Variants in CNOT7 observed in about 807,000 individuals in gnomAD.
CNOT7 encodes CCR4-NOT transcription complex subunit 7.
Under a neutral mutation model 37.1 loss-of-function variants are expected in CNOT7, and 4 were observed. The observed-to-expected ratio is 0.11, with a 90% confidence interval of 0.05 to 0.25. The LOEUF is 0.25. CNOT7 is among the 10% of genes least tolerant of loss of function. The pLI is 1.00. For missense variants in CNOT7, 170 were observed against 336.2 expected, an observed-to-expected ratio of 0.51 and a Z score of 3.87; for synonymous variants, 128 against 115.6, an observed-to-expected ratio of 1.11 and a Z score of -0.69.
At chr8:17,234,413 T>A (rs1477505842) in intron 5 of CNOT7, among the ~76,000 whole-genome samples, 2 of 152,176 alleles carry the variant, frequency 1.3e-5, no homozygotes, top group African/African-American at 4.8e-5. Context: ...TATGAGAGCC[T>A]CAATGTCCTC....
In CNOT7 at chr8:17,237,463, A is replaced by G. The variant is rs1032403831; in HGVS notation, c.312-90T>C. The stretch of plus-strand genomic sequence containing the variant: ...CTTACATCTATAACTACAGTGCCAG[A>G]AAAGAGACAGAGGAATGGCTTGAGT... On this transcript the variant is annotated intron_variant, in intron 3 of 6. Coordinates refer to ENST00000361272, the MANE Select transcript of CNOT7 (RefSeq NM_013354.7). 1.6e-4 allele frequency: 201 copies of G among 1,229,404 alleles called. 1 individual carries two copies. Among genetic ancestry groups the G allele is most frequent in the Non-Finnish European group, 2.3e-4 (197 of 863,700 alleles). The allele number at this position is 1,229,404 out of a possible 1,614,324, so 76.2% of individuals were successfully genotyped here.
At chr8:17,239,520 G>C (rs574116933) in intron 3 of CNOT7, among the ~76,000 whole-genome samples, 3 of 152,222 alleles carry the variant, frequency 2.0e-5, no homozygotes, top group African/African-American at 7.2e-5. Flanking sequence ...TTTTGAGACG[G>C]AGTCTCACTC....
rs1810457341 is a variant in CNOT7 at position 17,243,402 on chromosome 8, C to G, written c.118-217G>C. On this transcript the variant is annotated intron_variant, in intron 2 of 6. Transcript: ENST00000361272. ...TTCCTTAAATATATCCAAAAAGTTACTATACGAGATACATGTGATAAATTT... is the reference window on the plus strand; with the variant it reads ...TTCCTTAAATATATCCAAAAAGTTAGTATACGAGATACATGTGATAAATTT... The G allele has an allele frequency of 1.3e-5, 8 of 637,190 alleles. No homozygotes were observed. In the South Asian group the frequency reaches 1.3e-4, roughly 11 times the overall value. The allele number at this position is 637,190 out of a possible 1,614,324, so 39.5% of individuals were successfully genotyped here. A position where few individuals can be genotyped will look rare whatever the true frequency, so the allele number is the denominator to read the frequency against.
At chr8:17,231,768 T>C in intron 6 of CNOT7, 2 of 985,490 alleles carry the variant, frequency 2.0e-6, no homozygotes, top group Non-Finnish European at 2.4e-6. Context: ...TTTAGTTTCA[T>C]TCTTCCATCC....
Position 17,228,760 on chromosome 8 carries a change from A to G in CNOT7, c.*1960T>C, listed in dbSNP as rs1303692683. 4.6e-5 allele frequency: 7 copies of G among 152,002 alleles called. No individual in the cohort carries two copies. The highest frequency in any genetic ancestry group is 1.2e-4 in the African/African-American group (5 of 41,446). The allele number at this position is 152,002 out of a possible 1,614,324, so 9.4% of individuals were successfully genotyped here. On this transcript the variant is annotated 3_prime_UTR_variant, in exon 7 of 7. Coordinates refer to ENST00000361272, the MANE Select transcript of CNOT7 (RefSeq NM_013354.7). The stretch of plus-strand genomic sequence containing the variant: ...CAACTATGTGGCTAATAAAAAGGCA[A>G]TCTTTATCATTCCTATTTGAAATCC...
chr8:17,231,485 T>C lies in CNOT7; in HGVS notation c.730-637A>G, dbSNP rs530892523. 12 of 977,468 alleles carry C rather than the reference T, an allele frequency of 1.2e-5. No individual in the cohort carries two copies. In the Admixed American group the frequency reaches 3.7e-4, roughly 30 times the overall value. 60.5% of individuals were successfully genotyped at this position (977,468 alleles called of 1,614,324 possible). ...ATATTTACGTGTCATGAATGGATAGTCCAAATCACTTCTGAATCAACAACA... is the reference window on the plus strand; with the variant it reads ...ATATTTACGTGTCATGAATGGATAGCCCAAATCACTTCTGAATCAACAACA... On this transcript the variant is annotated intron_variant, in intron 6 of 6. Transcript: ENST00000361272.
intron 4 of CNOT7, among the ~76,000 whole-genome samples, chr8:17,235,584 G>T (rs988470604): frequency 2.0e-5 from 3 of 151,920 alleles, no homozygotes; most frequent in Non-Finnish European, 4.4e-5. Flanking sequence ...CCTTTGTCCG[G>T]CCTTTCGCAC....
intron 5 of CNOT7, among the ~76,000 whole-genome samples, chr8:17,232,882 A>G (rs56076518): frequency 0.036 from 5,528 of 152,272 alleles, 161 homozygotes; most frequent in Non-Finnish European, 0.052. Flanking sequence ...TCCAGTAATA[A>G]TTATAAAACT....
chr8:17,231,518 G>C (rs1808602743), intron 6 of CNOT7: 5 of 984,918 alleles, frequency 5.1e-6, no homozygotes, highest in African/African-American at 1.7e-5. Context: ...ACACTACTTA[G>C]CAAAACAGCT....
chr8:17,229,111 C>T lies in CNOT7; in HGVS notation c.*1609G>A, dbSNP rs904985325. ...TCAGACTGATTTTTCAATTAATGGACTAATAATCATCTAGGGTTAATGAAG... is the reference window on the plus strand; with the variant it reads ...TCAGACTGATTTTTCAATTAATGGATTAATAATCATCTAGGGTTAATGAAG... On this transcript the variant is annotated 3_prime_UTR_variant, in exon 7 of 7. Coordinates refer to ENST00000361272, the MANE Select transcript of CNOT7 (RefSeq NM_013354.7). The T allele has an allele frequency of 6.6e-6, 1 of 151,836 alleles. No individual in the cohort carries two copies. Among genetic ancestry groups the T allele is most frequent in the African/African-American group, 2.4e-5 (1 of 41,406 alleles). The allele number at this position is 151,836 out of a possible 1,614,324, so 9.4% of individuals were successfully genotyped here. A position where few individuals can be genotyped will look rare whatever the true frequency, so the allele number is the denominator to read the frequency against.
intron 5 of CNOT7, among the ~76,000 whole-genome samples, chr8:17,234,347 T>G (rs1809046235): frequency 1.3e-5 from 2 of 152,190 alleles, no homozygotes; most frequent in African/African-American, 4.8e-5. Flanking sequence ...GATTCCACCT[T>G]GTAAGAACAG....
In CNOT7 at chr8:17,228,255, A is replaced by ATGAG. The variant is rs1423396405; in HGVS notation, c.*2461_*2464dup. The ATGAG allele has an allele frequency of 4.6e-5, 7 of 151,938 alleles. No individual in the cohort carries two copies. Among genetic ancestry groups the ATGAG allele is most frequent in the African/African-American group, 1.7e-4 (7 of 41,436 alleles). 9.4% of individuals were successfully genotyped at this position (151,938 alleles called of 1,614,324 possible). On this transcript the variant is annotated 3_prime_UTR_variant, in exon 7 of 7. Transcript: ENST00000361272. The stretch of plus-strand genomic sequence containing the variant: ...TGCTCTAGTAGATTTAACAGAATAT[A>ATGAG]TGAGCCTGTAATTAATTAATGGCTC...
At chr8:17,241,666 C>T (rs1344441281) in intron 3 of CNOT7, 2 of 152,106 alleles carry the variant, frequency 1.3e-5, no homozygotes, top group Admixed American at 1.3e-4. Context: ...TGCAATATTG[C>T]AACATACAGT....
intron 2 of CNOT7, 102 bp downstream of exon 2, chr8:17,244,934 T>G: frequency 1.0e-6 from 1 of 964,810 alleles, no homozygotes; most frequent in South Asian, 1.6e-5. Context: ...CATGGTGAAA[T>G]TAATCCCTAA....
chr8:17,236,433 A>G (rs577159230), intron 4 of CNOT7, among the ~76,000 whole-genome samples: 2 of 152,326 alleles, frequency 1.3e-5, no homozygotes, highest in South Asian at 2.1e-4. Flanking sequence ...CTGGAAGTCT[A>G]TTTCACAAAA....
At chr8:17,238,840 T>C (rs558439339) in intron 3 of CNOT7, among the ~76,000 whole-genome samples, 6 of 152,322 alleles carry the variant, frequency 3.9e-5, no homozygotes, top group Non-Finnish European at 5.9e-5. Context: ...TCTTTACATC[T>C]ACGTATGTGA....
chr8:17,244,902 G>A (rs1279161307), intron 2 of CNOT7, 134 bp downstream of exon 2: 2 of 711,784 alleles, frequency 2.8e-6, no homozygotes, highest in Non-Finnish European at 4.7e-6. Context: ...TTGGCTGGAG[G>A]GCAGTGACAA....
At chr8:17,236,777 T>A (rs1452614470) in intron 4 of CNOT7, among the ~76,000 whole-genome samples, 1 of 152,216 alleles carries the variant, frequency 6.6e-6, no homozygotes, top group Non-Finnish European at 1.5e-5. Context: ...TCATCTGTTT[T>A]ATTCACACCT....
At position 17,233,440 on chromosome 8, in the gene CNOT7, G is replaced by A. The variant is rs1350009230; in HGVS notation, c.619-903C>T. Among the ~76,000 whole-genome samples the A allele has an allele frequency of 6.6e-5, 10 of 152,306 alleles. No individual in the cohort carries two copies. In the East Asian group the frequency reaches 1.9e-3, roughly 29 times the overall value. On this transcript the variant is annotated intron_variant, in intron 5 of 6. Coordinates refer to ENST00000361272, the MANE Select transcript of CNOT7 (RefSeq NM_013354.7). ...AATAGAACAGCATGGCTGACTATAG[G>A]TCAAAAAGCACCTTTGTCGTTAACC...
Sources: gnomAD v4.1 joint callset for allele counts (sites outside exome capture counted in the v4.1 genomes callset) on GRCh38, gnomAD v4.1.1 for gene constraint, MANE v1.5 for transcripts, NCBI Gene and HGNC (gene_info 2026-07-23, HGNC 2026-07-21) for gene names.